GPC6: variants seen among roughly 807,000 people sequenced by gnomAD.
GPC6 encodes the protein glypican-6.
Under a neutral mutation model 55.2 loss-of-function variants are expected in GPC6, and 14 were observed. The ratio of observed to expected loss-of-function variants is 0.25; its 90% confidence interval spans 0.17 to 0.40. GPC6 has a LOEUF of 0.40. Ranked by LOEUF, GPC6 falls within the 10% of genes least tolerant of loss-of-function variation. GPC6 has a pLI of 1.00. For missense variants in GPC6, 641 were observed against 708.5 expected, an observed-to-expected ratio of 0.90 and a Z score of 1.08; for synonymous variants, 278 against 259.6, an observed-to-expected ratio of 1.07 and a Z score of -0.68.
intron 2 of GPC6, among the ~76,000 whole-genome samples, chr13:93,749,766 A>G (rs1291893691): frequency 6.6e-6 from 1 of 152,170 alleles, no homozygotes; most frequent in Non-Finnish European, 1.5e-5. Context: ...AGAAGCCAAT[A>G]GCAACCTATA....
chr13:93,671,016 C>A (rs1339023687), intron 2 of GPC6, among the ~76,000 whole-genome samples: 1 of 152,118 alleles, frequency 6.6e-6, no homozygotes, highest in Admixed American at 6.6e-5. Flanking sequence ...ACACTGTTGG[C>A]AAAGCAAGGG....
At chr13:93,662,467 T>C (rs1880963373) in intron 2 of GPC6, among the ~76,000 whole-genome samples, 1 of 151,794 alleles carries the variant, frequency 6.6e-6, no homozygotes, top group Non-Finnish European at 1.5e-5. Context: ...CTGTCTCTAC[T>C]AAAAAATACA....
intron 1 of GPC6, among the ~76,000 whole-genome samples, chr13:93,243,419 A>G (rs1029495013): frequency 6.6e-6 from 1 of 152,170 alleles, no homozygotes; most frequent in Non-Finnish European, 1.5e-5. Flanking sequence ...TCAGCCATCT[A>G]GAAAAGCCCT....
chr13:93,961,447 C>T (rs1224741396), intron 3 of GPC6, among the ~76,000 whole-genome samples: 1 of 152,164 alleles, frequency 6.6e-6, no homozygotes, highest in East Asian at 1.9e-4. Flanking sequence ...TTCCACCTTC[C>T]TCTTTTTATA....
intron 4 of GPC6, among the ~76,000 whole-genome samples, chr13:94,126,063 C>T (rs761016226): frequency 6.6e-5 from 10 of 151,932 alleles, no homozygotes; most frequent in Non-Finnish European, 1.5e-4. Context: ...ACAACCAAGG[C>T]GAGATTAAGA....
At chr13:93,596,277 T>C (rs899660985) in intron 2 of GPC6, among the ~76,000 whole-genome samples, 1 of 151,898 alleles carries the variant, frequency 6.6e-6, no homozygotes, top group Non-Finnish European at 1.5e-5. Flanking sequence ...CTGGAAAAAT[T>C]CAGATGGGCC....
intron 1 of GPC6, among the ~76,000 whole-genome samples, chr13:93,405,279 A>C (rs1296827313): frequency 1.3e-5 from 2 of 152,052 alleles, no homozygotes. Context: ...TAATTACCGG[A>C]TCTGAGATAT....
chr13:93,389,363 G>A (rs1027539051), intron 1 of GPC6, among the ~76,000 whole-genome samples: 2 of 151,776 alleles, frequency 1.3e-5, no homozygotes, highest in African/African-American at 4.8e-5. Flanking sequence ...AAATAGCCGG[G>A]CGTGGTGGCA....
intron 2 of GPC6, among the ~76,000 whole-genome samples, chr13:93,820,141 AT>A (rs1401342098): frequency 1.2e-4 from 19 of 152,188 alleles, no homozygotes; most frequent in Non-Finnish European, 2.1e-4. Context: ...TTTAATGAAC[AT>A]TCATGGTTGT....
At chr13:93,948,593 A>T (rs1275542967) in intron 3 of GPC6, among the ~76,000 whole-genome samples, 1 of 152,218 alleles carries the variant, frequency 6.6e-6, no homozygotes, top group Non-Finnish European at 1.5e-5. Flanking sequence ...CAGAAATATG[A>T]TTGAATGCAT....
intron 1 of GPC6, among the ~76,000 whole-genome samples, chr13:93,288,045 C>T (rs1485861302): frequency 1.3e-5 from 2 of 151,960 alleles, no homozygotes; most frequent in African/African-American, 4.8e-5. Flanking sequence ...TACTAATGTC[C>T]CTTTTAATAA....
intron 2 of GPC6, among the ~76,000 whole-genome samples, chr13:93,634,819 C>T (rs74111514): frequency 6.6e-6 from 1 of 152,108 alleles, no homozygotes. Flanking sequence ...GTTATGTGGT[C>T]AGTCGCAGGC....
chr13:93,235,030 A>G (rs929523289), intron 1 of GPC6, among the ~76,000 whole-genome samples: 1 of 152,120 alleles, frequency 6.6e-6, no homozygotes, highest in African/African-American at 2.4e-5. Context: ...AAAAACTTCA[A>G]ATTTTTTACC....
chr13:94,317,450 G>A (rs1266522672), intron 6 of GPC6, among the ~76,000 whole-genome samples: 3 of 152,170 alleles, frequency 2.0e-5, no homozygotes, highest in Non-Finnish European at 4.4e-5. Flanking sequence ...AGAAAACATA[G>A]AGGCAGCAAA....
intron 2 of GPC6, among the ~76,000 whole-genome samples, chr13:93,665,457 T>G (rs1338943355): frequency 6.6e-6 from 1 of 152,144 alleles, no homozygotes; most frequent in Non-Finnish European, 1.5e-5. Context: ...CCTAGACATT[T>G]CTGGAAGGAT....
At chr13:93,530,792 G>A (rs574691402) in intron 1 of GPC6, among the ~76,000 whole-genome samples, 4 of 152,188 alleles carry the variant, frequency 2.6e-5, no homozygotes, top group Admixed American at 6.5e-5. Context: ...ATACCTGCCT[G>A]GAGGAAATAC....
chr13:93,291,803 G>A (rs563835262), intron 1 of GPC6, among the ~76,000 whole-genome samples: 1 of 152,186 alleles, frequency 6.6e-6, no homozygotes, highest in East Asian at 1.9e-4. Flanking sequence ...CATTAATAGA[G>A]TGTGTAGTGG....
chr13:93,577,248 G>A (rs1425809340), intron 2 of GPC6, among the ~76,000 whole-genome samples: 4 of 152,072 alleles, frequency 2.6e-5, no homozygotes, highest in Non-Finnish European at 5.9e-5. Context: ...AAATGCCCAC[G>A]GGTTCTCTAA....
chr13:93,868,622 G>A (rs1433448023), intron 3 of GPC6, among the ~76,000 whole-genome samples: 1 of 151,672 alleles, frequency 6.6e-6, no homozygotes, highest in East Asian at 2.0e-4. Flanking sequence ...CTCTTTCACT[G>A]CCAAAAGGAC....
Sources: allele counts gnomAD v4.1 joint callset (sites outside exome capture counted in the v4.1 genomes callset), GRCh38; gene constraint gnomAD v4.1.1; transcripts MANE v1.5; gene names NCBI Gene and HGNC (gene_info 2026-07-23, HGNC 2026-07-21).